The following ELP3 variants were observed in gnomAD, a reference collection of about 807,000 sequenced individuals.
ELP3 encodes the protein elongator complex protein 3.
In ELP3, 56 loss-of-function variants were observed where a neutral mutation model predicts 74.9. That is an observed-to-expected ratio of 0.75 (90% confidence interval 0.60 to 0.93). The LOEUF (loss-of-function observed/expected upper bound fraction) is 0.93, where lower values mean the gene tolerates loss of function less well. ELP3 is among the 40% of genes least tolerant of loss of function. The pLI is 0.00. For synonymous variants in ELP3, 222 were observed against 239.8 expected (o/e 0.93, Z 0.68); for missense variants, 573 against 686.5 (o/e 0.83, Z 1.85).
chr8:28,123,047 C>T (rs1812435161), intron 7 of ELP3, among the ~76,000 whole-genome samples: 1 of 152,176 alleles, frequency 6.6e-6, no homozygotes, highest in Non-Finnish European at 1.5e-5. Context: ...TCGCTTGAAC[C>T]TGGGAGGCAG....
In ELP3 at chr8:28,160,248, A is replaced by T. The variant is rs746609852; in HGVS notation, c.1277A>T (p.Asp426Val). The T allele has an allele frequency of 1.2e-6, 2 of 1,614,092 alleles. No homozygotes were observed. Among genetic ancestry groups the T allele is most frequent in the Non-Finnish European group, 1.7e-6 (2 of 1,179,988 alleles). The change falls in exon 13 of 15, where the codon GAT becomes GTT. Residue 426 changes from aspartate to valine, a missense_variant. Transcript: ENST00000256398. The stretch of plus-strand genomic sequence containing the variant: ...AAATAGGTTGAATTGGTAAGGAGAG[A>T]TTATGTTGCAAATGGTGGCTGGGAA... ...RPYQVELVRR[D>V]YVANGGWETF...
At chr8:28,164,955 G>A (rs1026251502) in intron 14 of ELP3, among the ~76,000 whole-genome samples, 2 of 152,080 alleles carry the variant, frequency 1.3e-5, no homozygotes, top group African/African-American at 4.8e-5. Context: ...TCCTTAGAAT[G>A]AAAATCTCTT....
intron 7 of ELP3, among the ~76,000 whole-genome samples, chr8:28,117,757 C>T (rs921151218): frequency 6.6e-5 from 10 of 151,648 alleles, no homozygotes; most frequent in Non-Finnish European, 7.4e-5. Flanking sequence ...TGATTTGTGG[C>T]GTGTTGTTGC....
chr8:28,162,150 G>T (rs1814122224), intron 14 of ELP3, 72 bp downstream of exon 14: 5 of 1,466,316 alleles, frequency 3.4e-6, no homozygotes, highest in Admixed American at 1.7e-5. Context: ...AACTATGTTG[G>T]TACCCTCTTG....
intron 6 of ELP3, 76 bp from the exon 7 acceptor site, chr8:28,112,943 T>G: frequency 7.4e-7 from 1 of 1,351,186 alleles, no homozygotes; most frequent in South Asian, 1.4e-5. Context: ...CACTGCAAAA[T>G]AAGAGATTTG....
chr8:28,092,228 TTTGTTG>T (rs34694415), upstream of ELP3, among the ~76,000 whole-genome samples: 85 of 151,488 alleles, frequency 5.6e-4, 1 homozygote, highest in Non-Finnish European at 7.4e-4. Context: ...AGCTTAACTT[TTTGTTG>T]TTGTTGTTGT....
At chr8:28,099,590 C>G (rs1811391389) in intron 2 of ELP3, among the ~76,000 whole-genome samples, 2 of 152,224 alleles carry the variant, frequency 1.3e-5, no homozygotes, top group Admixed American at 1.3e-4. Context: ...TCCAGGGACC[C>G]TTCTCCCTCC....
At position 28,174,051 on chromosome 8, in the gene ELP3, T is replaced by C. The variant is rs114377922; in HGVS notation, c.1567+11973T>C. 4.7e-3 allele frequency among the ~76,000 whole-genome samples: 711 copies of C among 152,188 alleles called. 8 individuals carry two copies. Among genetic ancestry groups the C allele is most frequent in the African/African-American group, 0.016 (674 of 41,558 alleles). On this transcript the variant is annotated intron_variant, in intron 14 of 14. Transcript: ENST00000256398. ...CCGGAAAATGTTCTGTGTGCACTTA[T>C]GGAAAATGTACATTCTGCTATTAGT...
intron 7 of ELP3, among the ~76,000 whole-genome samples, chr8:28,127,648 C>T (rs565490746): frequency 6.0e-4 from 91 of 152,148 alleles, no homozygotes; most frequent in African/African-American, 2.1e-3. Context: ...GCCTTAGTAC[C>T]CACCTGTTTA....
intron 13 of ELP3, among the ~76,000 whole-genome samples, chr8:28,160,853 CCTGA>C (rs1421051595): frequency 6.6e-6 from 1 of 152,084 alleles, no homozygotes; most frequent in African/African-American, 2.4e-5. Flanking sequence ...CACCACCATG[CCTGA>C]CTAATTTTTG....
chr8:28,176,300 C>T (rs1444779965), intron 14 of ELP3, among the ~76,000 whole-genome samples: 1 of 152,132 alleles, frequency 6.6e-6, no homozygotes, highest in Non-Finnish European at 1.5e-5. Flanking sequence ...TGATACACTC[C>T]ACGAAGGAAG....
At chr8:28,136,242 G>A (rs937529123) in intron 9 of ELP3, among the ~76,000 whole-genome samples, 8 of 152,314 alleles carry the variant, frequency 5.3e-5, no homozygotes, top group African/African-American at 1.9e-4. Flanking sequence ...GATTACAGGT[G>A]TGAGCCACTG....
At chr8:28,176,834 A>G (rs1814776791) in intron 14 of ELP3, among the ~76,000 whole-genome samples, 2 of 152,332 alleles carry the variant, frequency 1.3e-5, no homozygotes, top group East Asian at 3.9e-4. Context: ...GATGTGTGAC[A>G]TAGCAAACAT....
At chr8:28,114,062 A>G (rs1812026180) in intron 7 of ELP3, among the ~76,000 whole-genome samples, 1 of 152,064 alleles carries the variant, frequency 6.6e-6, no homozygotes, top group South Asian at 2.1e-4. Flanking sequence ...AAGTCTTAAA[A>G]TAGTTTTTGT....
intron 2 of ELP3, among the ~76,000 whole-genome samples, 188 bp downstream of exon 2, chr8:28,097,506 C>G (rs1811299956): frequency 6.6e-6 from 1 of 151,598 alleles, no homozygotes; most frequent in African/African-American, 2.4e-5. Context: ...ACGCCATTCT[C>G]CTGCCTCAGC....
At chr8:28,179,338 A>T (rs114368436) in intron 14 of ELP3, among the ~76,000 whole-genome samples, 333 of 152,258 alleles carry the variant, frequency 2.2e-3, no homozygotes, top group African/African-American at 7.3e-3. Context: ...CTGTTGATGG[A>T]TATTTCGGTA....
intron 10 of ELP3, among the ~76,000 whole-genome samples, chr8:28,153,826 A>C (rs1813727403): frequency 6.6e-6 from 1 of 152,006 alleles, no homozygotes; most frequent in Non-Finnish European, 1.5e-5. Context: ...GAGATTTTTT[A>C]ATTGGTTTTT....
chr8:28,093,242 G>C lies in ELP3; in HGVS notation c.19+9G>C. Reference sequence around the variant, plus strand: ...GAGGCAGAAGCGGAAAGGTGCGAAAGGGGAAGGAGATGGGGGAAAGGGGTG... The same window carrying C: ...GAGGCAGAAGCGGAAAGGTGCGAAACGGGAAGGAGATGGGGGAAAGGGGTG... On this transcript the variant is annotated intron_variant, in intron 1 of 14. Transcript: ENST00000256398. 6.2e-7 allele frequency: 1 copy of C among 1,613,218 alleles called. No homozygotes were observed. Among genetic ancestry groups the C allele is most frequent in the Non-Finnish European group, 8.5e-7 (1 of 1,179,882 alleles).
At chr8:28,109,598 A>G (rs1045121095) in intron 5 of ELP3, among the ~76,000 whole-genome samples, 4 of 152,222 alleles carry the variant, frequency 2.6e-5, no homozygotes, top group South Asian at 2.1e-4. Context: ...GAATATTTGC[A>G]TATACATAGT....
Sources: gnomAD v4.1 joint callset for allele counts (sites outside exome capture counted in the v4.1 genomes callset) on GRCh38, gnomAD v4.1.1 for gene constraint, MANE v1.5 for transcripts, NCBI Gene and HGNC (gene_info 2026-07-23, HGNC 2026-07-21) for gene names.